Variants in LRBA observed in about 807,000 individuals in gnomAD.
LRBA encodes lipopolysaccharide-responsive and beige-like anchor protein.
Under a neutral mutation model 330.0 loss-of-function variants are expected in LRBA, and 176 were observed. The observed-to-expected ratio is 0.53, with a 90% CI of 0.47 to 0.60. The LOEUF is 0.60. Among genes scored for constraint, LRBA ranks in the 20% least tolerant of loss-of-function variants. The pLI is 0.00. For synonymous variants in LRBA, 1,230 were observed against 1,193.0 expected, an observed-to-expected ratio of 1.03 and a Z score of -0.64; for missense variants, 3,259 against 3,444.8, an observed-to-expected ratio of 0.95 and a Z score of 1.35.
At chr4:150,874,630 C>A (rs1311105257) in intron 17 of LRBA, among the ~76,000 whole-genome samples, 1 of 152,162 alleles carries the variant, frequency 6.6e-6, no homozygotes, top group Non-Finnish European at 1.5e-5. Context: ...GCTGGGTGCT[C>A]CAGCCTGCTA....
intron 2 of LRBA, among the ~76,000 whole-genome samples, chr4:150,947,877 G>A (rs1055795943): frequency 4.6e-4 from 70 of 152,054 alleles, no homozygotes; most frequent in African/African-American, 1.7e-3. Flanking sequence ...TGTGGGCAAT[G>A]ACATTTAAAA....
intron 36 of LRBA, among the ~76,000 whole-genome samples, chr4:150,685,317 T>G (rs530166761): frequency 1.1e-4 from 16 of 139,544 alleles, no homozygotes; most frequent in East Asian, 1.1e-3. Context: ...AAAAAATTGG[T>G]TTTTTTTGTT....
Position 150,960,477 on chromosome 4 carries a change from G to A in LRBA, c.217-31412C>T, listed in dbSNP as rs1738025935. Among the ~76,000 whole-genome samples, 2 of 149,094 alleles carry A rather than the reference G, an allele frequency of 1.3e-5. 1 individual carries two copies. Among genetic ancestry groups the A allele is most frequent in the African/African-American group, 5.2e-5 (2 of 38,604 alleles). On this transcript the variant is annotated intron_variant, in intron 2 of 56. Coordinates refer to ENST00000651943, the MANE Select transcript of LRBA (RefSeq NM_001364905.1). ...GTTTTTTTAACAGATAGAATGACCT[G>A]AGACTTAAAAAACGTGTTTTTTAAA...
chr4:150,486,276 G>T (rs2152090503), intron 42 of LRBA, among the ~76,000 whole-genome samples: 1 of 151,794 alleles, frequency 6.6e-6, no homozygotes, highest in East Asian at 1.9e-4. Context: ...GAAAAAAAAG[G>T]GTGGGTTTCC....
chr4:150,552,258 A>T (rs1419573835), intron 40 of LRBA, among the ~76,000 whole-genome samples: 2 of 152,170 alleles, frequency 1.3e-5, no homozygotes, highest in African/African-American at 4.8e-5. Flanking sequence ...AGATCCAAAA[A>T]ATAGTCAAGT....
chr4:150,312,457 C>T lies in LRBA; in HGVS notation c.7694-2073G>A, dbSNP rs541176501. Among the ~76,000 whole-genome samples the T allele has an allele frequency of 5.3e-4, 80 of 152,054 alleles. 1 individual carries two copies. Among genetic ancestry groups the T allele is most frequent in the African/African-American group, 1.8e-3 (75 of 41,496 alleles). ...TTCCTTTCTTACCTCTTCTTTCTCACGCCCTTCTTCTACTAGATAAAATAA... is the reference window on the plus strand; with the variant it reads ...TTCCTTTCTTACCTCTTCTTTCTCATGCCCTTCTTCTACTAGATAAAATAA... On this transcript the variant is annotated intron_variant, in intron 51 of 56. Transcript: ENST00000651943.
chr4:150,561,077 C>T (rs772010638), intron 40 of LRBA, among the ~76,000 whole-genome samples: 1 of 152,134 alleles, frequency 6.6e-6, no homozygotes, highest in African/African-American at 2.4e-5. Context: ...TTTACCAAAA[C>T]ATAATTCTTT....
chr4:150,637,758 C>T (rs1778065969), intron 37 of LRBA, among the ~76,000 whole-genome samples: 2 of 152,116 alleles, frequency 1.3e-5, no homozygotes, highest in African/African-American at 2.4e-5. Flanking sequence ...ACCCAGCCTG[C>T]GGACACCTTG....
At chr4:150,395,877 CA>C (rs550265740) in intron 47 of LRBA, among the ~76,000 whole-genome samples, 31 of 152,088 alleles carry the variant, frequency 2.0e-4, no homozygotes, top group Non-Finnish European at 2.8e-4. Context: ...GTAAATAAAC[CA>C]ACAATCTTTC....
intron 44 of LRBA, among the ~76,000 whole-genome samples, chr4:150,450,125 C>T (rs1753164346): frequency 6.6e-6 from 1 of 151,962 alleles, no homozygotes; most frequent in Non-Finnish European, 1.5e-5. Context: ...CAAAATAATG[C>T]CCTCCTGGGA....
intron 33 of LRBA, among the ~76,000 whole-genome samples, chr4:150,802,043 AAATAAATC>A (rs55650648): frequency 0.39 from 33,701 of 85,986 alleles, 4,296 homozygotes; most frequent in Middle Eastern, 0.56. Context: ...ATAAATAAAT[AAATAAATC>A]AATAAAATTT....
At position 150,834,287 on chromosome 4, in the gene LRBA, A is replaced by G. The variant is rs138143344; in HGVS notation, c.4570-2311T>C. 1.4e-4 allele frequency among the ~76,000 whole-genome samples: 22 copies of G among 152,338 alleles called. 1 individual carries two copies. The East Asian group carries it at 4.2e-3, about 29-fold the overall frequency. ...AGAAGATTTTCCATTTACTTTGCCC[A>G]GATCCATCAAAGGAATTACTATCTA... On this transcript the variant is annotated intron_variant, in intron 28 of 56. Coordinates refer to ENST00000651943, the MANE Select transcript of LRBA (RefSeq NM_001364905.1).
intron 34 of LRBA, among the ~76,000 whole-genome samples, chr4:150,790,641 T>G (rs569629454): frequency 6.6e-6 from 1 of 152,358 alleles, no homozygotes; most frequent in Admixed American, 6.5e-5. Context: ...TTTAAAATAG[T>G]TCATGCATCT....
rs184055206 is a variant in LRBA, at chr4:150,899,846, C to T, written c.1924+203G>A. On this transcript the variant is annotated intron_variant, in intron 14 of 56. Coordinates refer to ENST00000651943, the MANE Select transcript of LRBA (RefSeq NM_001364905.1). ...CACACCAGCACAAGTAGTATTCTTC[C>T]ACACAAGTAGCAAGTTATTAAACTC... is the stretch of plus-strand genomic sequence containing the variant. 3.9e-5 allele frequency among the ~76,000 whole-genome samples: 6 copies of T among 152,180 alleles called. No homozygotes were observed. In the East Asian group the frequency reaches 1.2e-3, roughly 29 times the overall value.
chr4:151,001,257 GC>G (rs1281745812), intron 2 of LRBA, among the ~76,000 whole-genome samples: 1 of 152,098 alleles, frequency 6.6e-6, no homozygotes, highest in Non-Finnish European at 1.5e-5. Flanking sequence ...GTCCCCGACC[GC>G]CGACCTAGGC....
At chr4:150,780,618 CATATATATACACGTATATAT>C (rs1046487260) in intron 34 of LRBA, among the ~76,000 whole-genome samples, 1 of 147,168 alleles carries the variant, frequency 6.8e-6, no homozygotes, top group Non-Finnish European at 1.5e-5. Flanking sequence ...TATATATATA[CATATATATACACGTATATAT>C]ATATATATGT....
intron 15 of LRBA, among the ~76,000 whole-genome samples, chr4:150,897,300 G>A (rs899658585): frequency 2.0e-5 from 3 of 151,898 alleles, no homozygotes; most frequent in Non-Finnish European, 4.4e-5. Context: ...TACTTTACCT[G>A]TAATAGAATG....
chr4:150,625,052 T>A (rs907607410), intron 37 of LRBA, among the ~76,000 whole-genome samples: 1 of 152,162 alleles, frequency 6.6e-6, no homozygotes, highest in African/African-American at 2.4e-5. Flanking sequence ...AGACACAAAT[T>A]GAAAAATGTA....
chr4:150,539,677 C>G (rs1167494592), intron 40 of LRBA, among the ~76,000 whole-genome samples: 1 of 152,158 alleles, frequency 6.6e-6, no homozygotes, highest in Non-Finnish European at 1.5e-5. Context: ...TAGAATCCAA[C>G]GTAACATATA....
Sources: allele counts gnomAD v4.1 joint callset (sites outside exome capture counted in the v4.1 genomes callset), GRCh38; gene constraint gnomAD v4.1.1; transcripts MANE v1.5; gene names NCBI Gene and HGNC (gene_info 2026-07-23, HGNC 2026-07-21).